Variants in CREB3L2 observed in about 807,000 individuals in gnomAD.
CREB3L2 encodes the protein cAMP responsive element binding protein 3 like 2, also known as cyclic AMP-responsive element-binding protein 3-like protein 2.
CREB3L2 carries 23 observed loss-of-function variants against 57.2 expected under a neutral mutation model. The observed-to-expected ratio is 0.40, with a 90% confidence interval of 0.29 to 0.57. The LOEUF is 0.57. Ranked by LOEUF, CREB3L2 falls within the 20% of genes least tolerant of loss-of-function variation. The pLI is 0.42. For synonymous variants in CREB3L2, 268 were observed against 265.1 expected (o/e 1.01, Z -0.11); for missense variants, 628 against 634.7 (o/e 0.99, Z 0.11).
chr7:137,923,443 T>G (rs1800380007), intron 2 of CREB3L2, among the ~76,000 whole-genome samples: 1 of 152,128 alleles, frequency 6.6e-6, no homozygotes, highest in African/African-American at 2.4e-5. Context: ...CACTGTCAGG[T>G]TCTCTCTTTG....
At chr7:137,913,626 G>C (rs974433008) in intron 3 of CREB3L2, among the ~76,000 whole-genome samples, 5 of 151,048 alleles carry the variant, frequency 3.3e-5, no homozygotes, top group African/African-American at 1.2e-4. Context: ...TGTTTTTATA[G>C]TACTATAAAG....
intron 1 of CREB3L2, among the ~76,000 whole-genome samples, chr7:137,960,010 T>C (rs1801293022): frequency 6.6e-6 from 1 of 152,196 alleles, no homozygotes; most frequent in Admixed American, 6.5e-5. Context: ...TGTACTCCTC[T>C]AGCAAAAACA....
intron 1 of CREB3L2, among the ~76,000 whole-genome samples, chr7:137,983,216 A>G (rs1281300252): frequency 1.3e-5 from 2 of 152,116 alleles, no homozygotes; most frequent in Admixed American, 6.6e-5. Flanking sequence ...ACACGGCCCT[A>G]TGACAAGGTG....
At chr7:137,892,053 C>T (rs907169179) in intron 8 of CREB3L2, among the ~76,000 whole-genome samples, 24 of 152,162 alleles carry the variant, frequency 1.6e-4, no homozygotes, top group Admixed American at 1.6e-3. Flanking sequence ...TATGGAAGCA[C>T]CTAGAGCAGT....
chr7:137,970,975 G>C (rs1463917367), intron 1 of CREB3L2, among the ~76,000 whole-genome samples: 1 of 152,152 alleles, frequency 6.6e-6, no homozygotes, highest in African/African-American at 2.4e-5. Flanking sequence ...AGATACTTAA[G>C]AATATCCATA....
At chr7:137,971,473 T>TG (rs1317240734) in intron 1 of CREB3L2, among the ~76,000 whole-genome samples, 2 of 150,592 alleles carry the variant, frequency 1.3e-5, no homozygotes, top group African/African-American at 4.9e-5. Flanking sequence ...AAATTTTGGA[T>TG]GGGGGGAGAC....
intron 1 of CREB3L2, among the ~76,000 whole-genome samples, chr7:137,981,874 G>A (rs1361934925): frequency 6.6e-6 from 1 of 152,374 alleles, no homozygotes; most frequent in African/African-American, 2.4e-5. Flanking sequence ...AAAGGGTTAG[G>A]TTTCGAGTAC....
intron 2 of CREB3L2, among the ~76,000 whole-genome samples, chr7:137,918,560 G>C (rs950946734): frequency 6.6e-6 from 1 of 152,130 alleles, no homozygotes; most frequent in Non-Finnish European, 1.5e-5. Context: ...CTGGAAGAAA[G>C]ACGGTAGGAT....
At chr7:137,983,814 C>T (rs1801750228) in intron 1 of CREB3L2, among the ~76,000 whole-genome samples, 1 of 152,184 alleles carries the variant, frequency 6.6e-6, no homozygotes, top group East Asian at 1.9e-4. Flanking sequence ...CTTTTTCATT[C>T]CAGAAGGCTG....
chr7:137,952,030 TG>T (rs777032827), intron 1 of CREB3L2, among the ~76,000 whole-genome samples: 1 of 152,176 alleles, frequency 6.6e-6, no homozygotes, highest in Non-Finnish European at 1.5e-5. Flanking sequence ...GGTAGGATAG[TG>T]GGAACATAAG....
chr7:137,879,505 G>A lies in CREB3L2; in HGVS notation c.*971C>T. The A allele has an allele frequency of 6.2e-6, 2 of 320,776 alleles. No individual in the cohort carries two copies. Among genetic ancestry groups the A allele is most frequent in the Non-Finnish European group, 1.2e-5 (2 of 168,462 alleles). The allele number at this position is 320,776 out of a possible 1,614,324, so 19.9% of individuals were successfully genotyped here. On this transcript the variant is annotated 3_prime_UTR_variant, in exon 12 of 12. Transcript: ENST00000330387. Reference sequence around the variant, plus strand: ...GGCATTGTGTCATCTCTCGCTCTGAGCTCATCCTAGAGGCAGACACATACA... The same window carrying A: ...GGCATTGTGTCATCTCTCGCTCTGAACTCATCCTAGAGGCAGACACATACA...
At chr7:137,898,241 T>C (rs1269344208) in intron 8 of CREB3L2, among the ~76,000 whole-genome samples, 1 of 152,146 alleles carries the variant, frequency 6.6e-6, no homozygotes, top group Non-Finnish European at 1.5e-5. Context: ...ACTATCATTA[T>C]AAAAAAGACA....
intron 1 of CREB3L2, among the ~76,000 whole-genome samples, chr7:137,982,939 G>T (rs943127148): frequency 5.9e-5 from 9 of 152,170 alleles, no homozygotes; most frequent in African/African-American, 2.2e-4. Context: ...GACATAGTGA[G>T]AAGATGGCCA....
intron 1 of CREB3L2, among the ~76,000 whole-genome samples, chr7:137,957,124 C>A (rs1460517717): frequency 1.3e-5 from 2 of 152,150 alleles, no homozygotes; most frequent in Non-Finnish European, 2.9e-5. Context: ...TCCCTGAACA[C>A]AGCGCTCATC....
In CREB3L2 at chr7:137,937,983, G is replaced by A. The variant is rs9655904; in HGVS notation, c.103-9617C>T. Among the ~76,000 whole-genome samples, 882 of 152,138 alleles carry A rather than the reference G, an allele frequency of 5.8e-3. 7 individuals carry two copies. Among genetic ancestry groups the A allele is most frequent in the African/African-American group, 0.02 (847 of 41,516 alleles). ...GAAACCTATTATAAATCCATTGGTA[G>A]GGTATATTCAATATTTTGTAAAAGG... On this transcript the variant is annotated intron_variant, in intron 1 of 11. Coordinates refer to ENST00000330387, the MANE Select transcript of CREB3L2 (RefSeq NM_194071.4).
chr7:137,994,888 C>A (rs1801960539), intron 1 of CREB3L2, among the ~76,000 whole-genome samples: 1 of 152,170 alleles, frequency 6.6e-6, no homozygotes. Flanking sequence ...GTTGCTAGCC[C>A]ATGTTCATGA....
At chr7:137,959,229 G>C (rs1669559050) in intron 1 of CREB3L2, among the ~76,000 whole-genome samples, 1 of 152,218 alleles carries the variant, frequency 6.6e-6, no homozygotes, top group African/African-American at 2.4e-5. Context: ...ACACAATGAA[G>C]TAAAGTATAA....
chr7:137,900,881 T>G (rs549001708), intron 8 of CREB3L2, among the ~76,000 whole-genome samples: 18 of 152,300 alleles, frequency 1.2e-4, no homozygotes, highest in South Asian at 6.2e-4. Context: ...AAAATTAGAT[T>G]ATAATGAAGT....
intron 2 of CREB3L2, among the ~76,000 whole-genome samples, chr7:137,918,340 G>A (rs1410914884): frequency 2.6e-5 from 4 of 152,006 alleles, no homozygotes; most frequent in African/African-American, 7.3e-5. Context: ...ACAGGTACAC[G>A]CCACGACGCC....
Sources: allele counts gnomAD v4.1 joint callset (sites outside exome capture counted in the v4.1 genomes callset), GRCh38; gene constraint gnomAD v4.1.1; transcripts MANE v1.5; gene names NCBI Gene and HGNC (gene_info 2026-07-23, HGNC 2026-07-21).